The following RBFOX3 variants were observed in gnomAD, a reference collection of about 807,000 sequenced individuals.
RBFOX3 encodes RNA binding fox-1 homolog 3, also known as RNA binding protein fox-1 homolog 3.
In RBFOX3, 17 loss-of-function variants were observed where a neutral mutation model predicts 48.7. The ratio of observed to expected loss-of-function variants is 0.35; its 90% CI spans 0.24 to 0.52. RBFOX3 has a LOEUF of 0.52. Among genes scored for constraint, RBFOX3 ranks in the 20% least tolerant of loss-of-function variants. The pLI is 0.94. For missense variants in RBFOX3, 382 were observed against 497.5 expected, an observed-to-expected ratio of 0.77 and a Z score of 2.21; for synonymous variants, 212 against 209.5, an observed-to-expected ratio of 1.01 and a Z score of -0.10.
At chr17:79,210,572 G>A (rs1052246402) in intron 4 of RBFOX3, among the ~76,000 whole-genome samples, 14 of 152,286 alleles carry the variant, frequency 9.2e-5, no homozygotes, top group Admixed American at 5.9e-4. Flanking sequence ...ATCTTGGCAC[G>A]TCCAGCTTTT....
At chr17:79,455,263 C>A (rs544437262) in intron 2 of RBFOX3, among the ~76,000 whole-genome samples, 5 of 152,136 alleles carry the variant, frequency 3.3e-5, no homozygotes, top group African/African-American at 1.2e-4. Context: ...GCTACCGTGA[C>A]GGGGGAGCGG....
intron 4 of RBFOX3, among the ~76,000 whole-genome samples, chr17:79,144,278 C>T (rs937477115): frequency 8.5e-5 from 13 of 152,228 alleles, no homozygotes; most frequent in East Asian, 1.9e-4. Flanking sequence ...AGAATTGTCC[C>T]GCTCTACCCC....
rs1277534909 is a variant in RBFOX3, at chr17:79,363,099, A to C, written c.-174-55275T>G. On this transcript the variant is annotated intron_variant, in intron 2 of 14. Coordinates refer to ENST00000693108, the MANE Select transcript of RBFOX3 (RefSeq NM_001350451.2). The surrounding 1 kb of genome is among the most constrained non-coding windows in gnomAD (Gnocchi z 4.7). The stretch of plus-strand genomic sequence containing the variant: ...CTTGCACATGCGAGGTTTCTGGGCC[A>C]TAGTGAGCCGCAGGGGAGGCACGTG... 2.0e-5 allele frequency among the ~76,000 whole-genome samples: 3 copies of C among 152,204 alleles called. No individual in the cohort carries two copies. Among genetic ancestry groups the C allele is most frequent in the Non-Finnish European group, 4.4e-5 (3 of 68,032 alleles).
In RBFOX3 at chr17:79,183,053, G is replaced by A. The variant is rs1213313286; in HGVS notation, c.-34+52713C>T. On this transcript the variant is annotated intron_variant, in intron 4 of 14. Transcript: ENST00000693108. ...CCCCAAACTCCGGCCCCCCCGCCTC[G>A]CGCCGCGCGCGCCCTGGGCGCCCCC... 2.7e-5 allele frequency among the ~76,000 whole-genome samples: 4 copies of A among 148,920 alleles called. No individual in the cohort carries two copies. In the East Asian group the frequency reaches 7.8e-4, roughly 29 times the overall value.
intron 2 of RBFOX3, among the ~76,000 whole-genome samples, chr17:79,429,308 T>A (rs2067990645): frequency 6.6e-6 from 1 of 152,168 alleles, no homozygotes; most frequent in African/African-American, 2.4e-5. Context: ...TGAGGGGCCC[T>A]GGGATGGTCA....
At position 79,106,806 on chromosome 17, in the gene RBFOX3, G is replaced by C; in HGVS notation, c.223-18C>G. On this transcript the variant is annotated intron_variant, in intron 5 of 14. Coordinates refer to ENST00000693108, the MANE Select transcript of RBFOX3 (RefSeq NM_001350451.2). ...TCTGTCTGCTGCAGGGAGAGGACTG[G>C]GCTGTGGAGGCTGCCTCTGTGTGCG... 2.0e-6 allele frequency: 3 copies of C among 1,494,956 alleles called. No homozygotes were observed. Among genetic ancestry groups the C allele is most frequent in the Non-Finnish European group, 2.7e-6 (3 of 1,128,054 alleles). 92.6% of individuals were successfully genotyped at this position (1,494,956 alleles called of 1,614,324 possible).
intron 2 of RBFOX3, among the ~76,000 whole-genome samples, chr17:79,394,143 TC>T (rs2061700207): frequency 6.6e-6 from 1 of 152,158 alleles, no homozygotes; most frequent in Non-Finnish European, 1.5e-5. Context: ...TCTGAGTTGG[TC>T]CCCGCGCACA....
At chr17:79,347,648 C>A (rs796593741) in intron 2 of RBFOX3, among the ~76,000 whole-genome samples, 26 of 152,278 alleles carry the variant, frequency 1.7e-4, no homozygotes, top group African/African-American at 5.8e-4. Context: ...TACTTTTCTC[C>A]TGTATCGCAT....
chr17:79,518,479 G>A (rs1349942762), intron 1 of RBFOX3, among the ~76,000 whole-genome samples: 1 of 152,258 alleles, frequency 6.6e-6, no homozygotes, highest in African/African-American at 2.4e-5. Flanking sequence ...CCTTGTACAC[G>A]AGTTTCCCTG....
At chr17:79,589,134 G>A (rs2093344841) in intron 1 of RBFOX3, among the ~76,000 whole-genome samples, 1 of 152,376 alleles carries the variant, frequency 6.6e-6, no homozygotes, top group Non-Finnish European at 1.5e-5. Context: ...AACTGCCTGG[G>A]AGGGGGCATT....
Position 79,390,486 on chromosome 17 carries a change from T to A in RBFOX3, c.-174-82662A>T, listed in dbSNP as rs1214261769. ...CAGTCTTTGCGCCACTGCTTTTTTT[T>A]TTTTTTTTTAGATGGAGTCTCGCTC... On this transcript the variant is annotated intron_variant, in intron 2 of 14. Transcript: ENST00000693108. This position sits in a 1 kb window ranked among gnomAD's most constrained non-coding sequence, Gnocchi z 4.2. Among the ~76,000 whole-genome samples the A allele has an allele frequency of 6.6e-6, 1 of 151,978 alleles. No individual in the cohort carries two copies. Among genetic ancestry groups the A allele is most frequent in the Non-Finnish European group, 1.5e-5 (1 of 67,904 alleles).
chr17:79,092,695 G>T, intron 14 of RBFOX3: 2 of 870,016 alleles, frequency 2.3e-6, no homozygotes, highest in Non-Finnish European at 2.7e-6. Context: ...TGGAAGAGGG[G>T]AAAAAGCAAA....
intron 1 of RBFOX3, among the ~76,000 whole-genome samples, chr17:79,558,414 G>A (rs1197005394): frequency 6.6e-6 from 1 of 152,224 alleles, no homozygotes; most frequent in Admixed American, 6.5e-5. Flanking sequence ...GGGTCCAGGC[G>A]CAGAGACCGG....
intron 2 of RBFOX3, among the ~76,000 whole-genome samples, chr17:79,422,601 A>G (rs1178903928): frequency 6.6e-6 from 1 of 152,196 alleles, no homozygotes; most frequent in African/African-American, 2.4e-5. Context: ...CAGCAGCCTC[A>G]GGCTGGGCGG....
At chr17:79,489,558 G>A (rs2080181589) in intron 1 of RBFOX3, among the ~76,000 whole-genome samples, 1 of 152,194 alleles carries the variant, frequency 6.6e-6, no homozygotes, top group South Asian at 2.1e-4. Flanking sequence ...GCCTCCCAGA[G>A]TGCTGGGATT....
At chr17:79,386,199 C>T (rs1019986739) in intron 2 of RBFOX3, among the ~76,000 whole-genome samples, 1 of 150,834 alleles carries the variant, frequency 6.6e-6, no homozygotes, top group African/African-American at 2.4e-5. Context: ...GGTTCCAACA[C>T]CTCCCATTAG....
intron 4 of RBFOX3, among the ~76,000 whole-genome samples, chr17:79,140,618 G>C (rs1415260286): frequency 6.6e-6 from 1 of 152,258 alleles, no homozygotes; most frequent in East Asian, 1.9e-4. Flanking sequence ...CAGCTCGGAA[G>C]CACAGCATGA....
chr17:79,200,376 A>T (rs940445804), intron 4 of RBFOX3, among the ~76,000 whole-genome samples: 2 of 152,248 alleles, frequency 1.3e-5, no homozygotes, highest in African/African-American at 4.8e-5. Context: ...ATCAGGCAGC[A>T]GGCAGGGGGG....
intron 5 of RBFOX3, among the ~76,000 whole-genome samples, chr17:79,113,575 C>T (rs2032851290): frequency 6.6e-6 from 1 of 152,148 alleles, no homozygotes; most frequent in African/African-American, 2.4e-5. Context: ...GGACACGCTT[C>T]CTGGGAGGCT....
Sources: gnomAD v4.1 joint callset for allele counts (sites outside exome capture counted in the v4.1 genomes callset) on GRCh38, gnomAD v4.1.1 for gene constraint, Gnocchi (gnomAD v3.1) non-coding constraint, MANE v1.5 for transcripts, NCBI Gene and HGNC (gene_info 2026-07-23, HGNC 2026-07-21) for gene names.